The following DRC11 variants were observed in gnomAD, a reference collection of about 807,000 sequenced individuals.
DRC11 encodes dynein regulatory complex subunit 11, also known as IQ and AAA domain-containing protein 1.
chr2:236,416,715 ATATATT>A, the DRC11 span, among the ~76,000 whole-genome samples: 71 of 69,498 alleles, frequency 1.0e-3, 3 homozygotes, highest in African/African-American at 3.0e-3. Context: ...TTACATATAT[ATATATT>A]TATATATATA....
chr2:236,459,493 GTA>G, the DRC11 span, among the ~76,000 whole-genome samples: 333 of 122,572 alleles, frequency 2.7e-3, 1 homozygote, highest in African/African-American at 9.3e-3. Context: ...ATATGTATAC[GTA>G]TATATGTATA....
chr2:236,436,037 T>C, the DRC11 span, among the ~76,000 whole-genome samples: 1 of 152,118 alleles, frequency 6.6e-6, no homozygotes, highest in Non-Finnish European at 1.5e-5. Flanking sequence ...TGTATGAGAG[T>C]GACTTTTTCC....
At chr2:236,429,595 G>C in the DRC11 span, among the ~76,000 whole-genome samples, 2 of 152,150 alleles carry the variant, frequency 1.3e-5, no homozygotes, top group African/African-American at 4.8e-5. The surrounding 1 kb of genome is among the most constrained non-coding windows in gnomAD (Gnocchi z 5.9). Context: ...CTCCAAGGCT[G>C]TTTTCTGGCA....
the DRC11 span, among the ~76,000 whole-genome samples, chr2:236,330,103 T>C: frequency 6.6e-6 from 1 of 152,200 alleles, no homozygotes; most frequent in South Asian, 2.1e-4. This position sits in a 1 kb window ranked among gnomAD's most constrained non-coding sequence, Gnocchi z 5.5. Flanking sequence ...TTGAAGAGGA[T>C]AATATCAGCA....
At chr2:236,409,148 C>G in the DRC11 span, 1 of 353,256 alleles carries the variant, frequency 2.8e-6, no homozygotes, top group African/African-American at 2.2e-5. Context: ...CCTCTGTTGC[C>G]CAGGCTAGAG....
At chr2:236,439,840 C>T in the DRC11 span, among the ~76,000 whole-genome samples, 14 of 152,056 alleles carry the variant, frequency 9.2e-5, no homozygotes, top group South Asian at 8.3e-4. Context: ...AAAAAGAAAA[C>T]GTTTTTAATT....
At chr2:236,464,669 C>A in the DRC11 span, among the ~76,000 whole-genome samples, 1 of 152,176 alleles carries the variant, frequency 6.6e-6, no homozygotes, top group South Asian at 2.1e-4. Context: ...GATGCCCCCT[C>A]CAAATCTCAT....
At chr2:236,376,443 T>C in the DRC11 span, among the ~76,000 whole-genome samples, 5 of 152,210 alleles carry the variant, frequency 3.3e-5, no homozygotes, top group African/African-American at 4.8e-5. The surrounding 1 kb of genome is among the most constrained non-coding windows in gnomAD (Gnocchi z 5.7). Flanking sequence ...GGTAACAGTA[T>C]TGCATTTGAT....
At chr2:236,327,058 G>GTC in the DRC11 span, among the ~76,000 whole-genome samples, 21 of 152,028 alleles carry the variant, frequency 1.4e-4, no homozygotes, top group Admixed American at 8.5e-4. Flanking sequence ...TTTGGGCTCT[G>GTC]TCTCTCTCTC....
At chr2:236,505,683 A>T in the DRC11 span, among the ~76,000 whole-genome samples, 2 of 152,008 alleles carry the variant, frequency 1.3e-5, no homozygotes, top group South Asian at 4.2e-4. Flanking sequence ...GCACCCACCC[A>T]CTGAATAGCA....
At chr2:236,349,027 C>T in the DRC11 span, among the ~76,000 whole-genome samples, 1 of 152,128 alleles carries the variant, frequency 6.6e-6, no homozygotes, top group East Asian at 1.9e-4. The surrounding 1 kb of genome is among the most constrained non-coding windows in gnomAD (Gnocchi z 5.5). Flanking sequence ...CTGCCCGTTC[C>T]CTGCGTGACT....
chr2:236,412,756 A>C, the DRC11 span: 1 of 152,162 alleles, frequency 6.6e-6, no homozygotes, highest in Admixed American at 6.5e-5. Context: ...ACTTTCACCC[A>C]AGGGCAGATC....
At chr2:236,487,091 C>A in the DRC11 span, among the ~76,000 whole-genome samples, 1 of 152,096 alleles carries the variant, frequency 6.6e-6, no homozygotes, top group African/African-American at 2.4e-5. Context: ...AAAGAATGAA[C>A]CACAGAACTA....
chr2:236,380,986 C>T, the DRC11 span, among the ~76,000 whole-genome samples: 1 of 152,196 alleles, frequency 6.6e-6, no homozygotes, highest in Non-Finnish European at 1.5e-5. This position sits in a 1 kb window ranked among gnomAD's most constrained non-coding sequence, Gnocchi z 4.9. Flanking sequence ...GCTGTGCTCA[C>T]CTTTGGTGCC....
the DRC11 span, among the ~76,000 whole-genome samples, chr2:236,476,784 T>C: frequency 2.0e-5 from 3 of 152,102 alleles, no homozygotes; most frequent in East Asian, 5.8e-4. The surrounding 1 kb of genome is among the most constrained non-coding windows in gnomAD (Gnocchi z 4.7). Flanking sequence ...GTGCAGGATG[T>C]GCAGGTTTGT....
chr2:236,419,054 C>T, the DRC11 span: 9 of 1,429,836 alleles, frequency 6.3e-6, no homozygotes, highest in Admixed American at 3.0e-5. This position sits in a 1 kb window ranked among gnomAD's most constrained non-coding sequence, Gnocchi z 4.8. Context: ...GGCTGCACTC[C>T]CAACAGATTT....
At chr2:236,410,353 G>A in the DRC11 span, among the ~76,000 whole-genome samples, 13 of 152,116 alleles carry the variant, frequency 8.5e-5, no homozygotes, top group East Asian at 5.8e-4. Context: ...TGTATGTGTC[G>A]AGGAATTTAT....
the DRC11 span, among the ~76,000 whole-genome samples, chr2:236,370,821 G>A: frequency 6.7e-6 from 1 of 149,210 alleles, no homozygotes; most frequent in Non-Finnish European, 1.5e-5. This position sits in a 1 kb window ranked among gnomAD's most constrained non-coding sequence, Gnocchi z 5.5. Flanking sequence ...GGGGTGGGCT[G>A]GTGGGAGCCG....
chr2:236,381,048 C>A, the DRC11 span, among the ~76,000 whole-genome samples: 1 of 152,258 alleles, frequency 6.6e-6, no homozygotes, highest in East Asian at 1.9e-4. The surrounding 1 kb of genome is among the most constrained non-coding windows in gnomAD (Gnocchi z 5.8). Flanking sequence ...TTGAAGCCTA[C>A]CCCCAAGGTG....
Sources: allele counts gnomAD v4.1 joint callset (sites outside exome capture counted in the v4.1 genomes callset), GRCh38; gene constraint gnomAD v4.1.1; non-coding constraint Gnocchi (gnomAD v3.1); transcripts MANE v1.5; gene names NCBI Gene and HGNC (gene_info 2026-07-23, HGNC 2026-07-21).